Variants in PGBD5 observed in about 807,000 individuals in gnomAD.
PGBD5 encodes the protein piggyBac transposable element derived 5.
Under a neutral mutation model 47.9 loss-of-function variants are expected in PGBD5, and 14 were observed. The ratio of observed to expected loss-of-function variants is 0.29; its 90% confidence interval spans 0.19 to 0.46. The LOEUF (loss-of-function observed/expected upper bound fraction) is 0.46. PGBD5 is among the 20% of genes least tolerant of loss of function. The pLI, the probability that PGBD5 is intolerant of heterozygous loss-of-function variation, is 1.00. For synonymous variants in PGBD5, 316 were observed against 306.3 expected, an observed-to-expected ratio of 1.03 and a Z score of -0.33; for missense variants, 635 against 716.0, an observed-to-expected ratio of 0.89 and a Z score of 1.29.
intron 1 of PGBD5, among the ~76,000 whole-genome samples, chr1:230,389,862 C>T (rs151099169): frequency 4.7e-4 from 72 of 152,246 alleles, no homozygotes; most frequent in Admixed American, 4.3e-3. Flanking sequence ...GGAATGTTTG[C>T]AATGATTTGG....
At chr1:230,328,525 G>C (rs944486844) in intron 5 of PGBD5, among the ~76,000 whole-genome samples, 10 of 152,212 alleles carry the variant, frequency 6.6e-5, no homozygotes, top group African/African-American at 2.4e-4. Flanking sequence ...TCTTGACTGA[G>C]TGAATCACTG....
At chr1:230,396,218 TTCC>T (rs374188828) in intron 1 of PGBD5, among the ~76,000 whole-genome samples, 15 of 48,052 alleles carry the variant, frequency 3.1e-4, no homozygotes, top group South Asian at 1.2e-3. Context: ...TTTACTCACA[TTCC>T]TCCTTTTTAC....
At chr1:230,389,393 G>A (rs1238838963) in intron 1 of PGBD5, among the ~76,000 whole-genome samples, 4 of 151,870 alleles carry the variant, frequency 2.6e-5, no homozygotes, top group African/African-American at 4.8e-5. Flanking sequence ...GTCTGGTCTC[G>A]GACTCCTGAC....
chr1:230,355,609 C>T (rs1558197746), intron 2 of PGBD5, among the ~76,000 whole-genome samples: 2 of 152,250 alleles, frequency 1.3e-5, no homozygotes, highest in Non-Finnish European at 2.9e-5. Context: ...CCTCGAAAGT[C>T]TCCACTTCTT....
chr1:230,415,549 G>A (rs1002001485), intron 1 of PGBD5, among the ~76,000 whole-genome samples: 2 of 152,194 alleles, frequency 1.3e-5, no homozygotes, highest in African/African-American at 4.8e-5. Context: ...CTGGCTTCCT[G>A]TCTGCTGCCT....
chr1:230,323,285 T>G lies in PGBD5; in HGVS notation c.*140A>C. The G allele has an allele frequency of 1.1e-6, 1 of 909,612 alleles. No homozygotes were observed. The highest frequency in any genetic ancestry group is 2.8e-5 in the Admixed American group (1 of 36,010). 56.3% of individuals were successfully genotyped at this position (909,612 alleles called of 1,614,324 possible). ...CCGTCCTCTGACCAGGTCCATCCTGTCCCTCCAGAGGCCCTGTGCATCCCT... is the reference window on the plus strand; with the variant it reads ...CCGTCCTCTGACCAGGTCCATCCTGGCCCTCCAGAGGCCCTGTGCATCCCT... On this transcript the variant is annotated 3_prime_UTR_variant, in exon 7 of 7. Coordinates refer to ENST00000391860, the MANE Select transcript of PGBD5 (RefSeq NM_001258311.2). This position sits in a 1 kb window ranked among gnomAD's most constrained non-coding sequence, Gnocchi z 4.1.
At position 230,351,026 on chromosome 1, in the gene PGBD5, G is replaced by A; in HGVS notation, c.826C>T (p.Arg276Ter). 1.9e-6 allele frequency: 3 copies of A among 1,613,986 alleles called. No homozygotes were observed. Among genetic ancestry groups the A allele is most frequent in the Non-Finnish European group, 2.5e-6 (3 of 1,179,968 alleles). Residue 276 changes from arginine to a stop codon, truncating the protein, a stop_gained, in exon 3 of 7, where the codon CGA (arginine) becomes TGA (stop). Coordinates refer to ENST00000391860, the MANE Select transcript of PGBD5 (RefSeq NM_001258311.2). LOFTEE classifies it high-confidence loss of function. Reference sequence around the variant, plus strand: ...CTGAATTTCCGCTTTTTCCTCTTTCGCAGCTCCCGCTCTGTGCACGTGGCA... The same window carrying A: ...CTGAATTTCCGCTTTTTCCTCTTTCACAGCTCCCGCTCTGTGCACGTGGCA... ...FIATCTEREL[R>*]KRKKRKFSLW...
At chr1:230,349,947 C>T (rs1002750514) in intron 3 of PGBD5, among the ~76,000 whole-genome samples, 1 of 152,204 alleles carries the variant, frequency 6.6e-6, no homozygotes, top group Admixed American at 6.5e-5. Flanking sequence ...CAGAAGGAGC[C>T]GAGATGGTGC....
intron 5 of PGBD5, among the ~76,000 whole-genome samples, chr1:230,326,924 C>G (rs1436325561): frequency 6.6e-6 from 1 of 152,166 alleles, no homozygotes; most frequent in Non-Finnish European, 1.5e-5. Context: ...GAATGCATCC[C>G]AGGGGCACCG....
At chr1:230,371,298 T>C (rs1192197733) in intron 1 of PGBD5, among the ~76,000 whole-genome samples, 1 of 152,152 alleles carries the variant, frequency 6.6e-6, no homozygotes, top group African/African-American at 2.4e-5. Context: ...TGGGACAAGG[T>C]GCCCTTGGAT....
At chr1:230,401,474 A>G (rs983008278) in intron 1 of PGBD5, among the ~76,000 whole-genome samples, 1 of 152,220 alleles carries the variant, frequency 6.6e-6, no homozygotes, top group Non-Finnish European at 1.5e-5. Context: ...CGTAAATAGC[A>G]AACAGCACTA....
In PGBD5 at chr1:230,425,660, G is replaced by T. The variant is rs1657758480; in HGVS notation, c.269C>A (p.Ala90Asp). 4 of 1,219,508 alleles carry T rather than the reference G, an allele frequency of 3.3e-6. No individual in the cohort carries two copies. The highest frequency in any genetic ancestry group is 4.1e-6 in the Non-Finnish European group (4 of 980,178). The allele number at this position is 1,219,508 out of a possible 1,614,324, so 75.5% of individuals were successfully genotyped here. A position where few individuals can be genotyped will look rare whatever the true frequency, so the allele number is the denominator to read the frequency against. ...PDAQEPEEDE[A>D]GAGWSAALRD... is the part of the protein sequence containing the mutation. ...CAGCGCTGCGCTCCAGCCCGCGCCGGCCTCGTCCTCCTCCGGCTCCTGTGC... is the reference window on the plus strand; with the variant it reads ...CAGCGCTGCGCTCCAGCCCGCGCCGTCCTCGTCCTCCTCCGGCTCCTGTGC... Residue 90 changes from alanine to aspartate, a missense_variant, in exon 1 of 7, where the codon GCC becomes GAC. Physicochemically the swap from Ala to Asp is moderately radical, Grantham distance 126 (BLOSUM62 -2). Coordinates refer to ENST00000391860, the MANE Select transcript of PGBD5 (RefSeq NM_001258311.2). This position sits in a 1 kb window ranked among gnomAD's most constrained non-coding sequence, Gnocchi z 4.7.
At chr1:230,413,635 T>C (rs908489398) in intron 1 of PGBD5, among the ~76,000 whole-genome samples, 3 of 152,214 alleles carry the variant, frequency 2.0e-5, no homozygotes, top group African/African-American at 7.2e-5. Flanking sequence ...TGAAACTTCA[T>C]GTCATCCTTT....
intron 1 of PGBD5, among the ~76,000 whole-genome samples, chr1:230,404,815 C>T (rs1469012680): frequency 6.6e-6 from 1 of 150,736 alleles, no homozygotes; most frequent in Admixed American, 6.6e-5. Flanking sequence ...ATCCCAGCTA[C>T]TCTGGAGGCT....
chr1:230,398,505 T>C (rs1240935349), intron 1 of PGBD5, among the ~76,000 whole-genome samples: 2 of 152,218 alleles, frequency 1.3e-5, no homozygotes, highest in Non-Finnish European at 2.9e-5. Context: ...GAAGGTCACA[T>C]TTTGAAGTAC....
At chr1:230,391,953 C>T (rs1195403540) in intron 1 of PGBD5, among the ~76,000 whole-genome samples, 1 of 152,148 alleles carries the variant, frequency 6.6e-6, no homozygotes, top group Admixed American at 6.5e-5. Context: ...GAGCCCGACA[C>T]AGGAGTCCTG....
chr1:230,362,125 T>C (rs1667754040), intron 1 of PGBD5: 1 of 1,124,844 alleles, frequency 8.9e-7, no homozygotes, highest in Non-Finnish European at 1.1e-6. Flanking sequence ...GGGAAGCCAG[T>C]GAAGGGCTGT....
In PGBD5 at chr1:230,322,003, C is replaced by T. The variant is rs1465550655; in HGVS notation, c.*1422G>A. 2.6e-5 allele frequency: 4 copies of T among 152,342 alleles called. No homozygotes were observed. Among genetic ancestry groups the T allele is most frequent in the African/African-American group, 7.2e-5 (3 of 41,430 alleles). 9.4% of individuals were successfully genotyped at this position (152,342 alleles called of 1,614,324 possible). On this transcript the variant is annotated 3_prime_UTR_variant, in exon 7 of 7. Transcript: ENST00000391860. The surrounding 1 kb of genome is among the most constrained non-coding windows in gnomAD (Gnocchi z 5.9). Reference sequence around the variant, plus strand: ...GCAATAACTGAGTGAGGACGAGGCCCATAGCCTGAGTAGAATAGATTCTGT... The same window carrying T: ...GCAATAACTGAGTGAGGACGAGGCCTATAGCCTGAGTAGAATAGATTCTGT...
chr1:230,386,741 T>C (rs1353436261), intron 1 of PGBD5, among the ~76,000 whole-genome samples: 1 of 152,250 alleles, frequency 6.6e-6, no homozygotes, highest in Non-Finnish European at 1.5e-5. Context: ...TCATTTTTCT[T>C]CTTGATTTGG....
Sources: allele counts gnomAD v4.1 joint callset (sites outside exome capture counted in the v4.1 genomes callset), GRCh38; gene constraint gnomAD v4.1.1; non-coding constraint Gnocchi (gnomAD v3.1); transcripts MANE v1.5; gene names NCBI Gene and HGNC (gene_info 2026-07-23, HGNC 2026-07-21).